Variants in FGF12 observed in about 807,000 individuals in gnomAD.
FGF12 encodes fibroblast growth factor 12.
A neutral mutation model predicts 23.6 loss-of-function variants in FGF12; 14 were observed. The observed-to-expected ratio is 0.59, with a 90% CI of 0.39 to 0.93. FGF12 has a LOEUF of 0.93. Ranked by LOEUF, FGF12 falls within the 40% of genes least tolerant of loss-of-function variation. The pLI, the probability that FGF12 is intolerant of heterozygous loss-of-function variation, is 0.00. For synonymous variants in FGF12, 62 were observed against 77.3 expected (o/e 0.80, Z 1.04); for missense variants, 175 against 217.8 (o/e 0.80, Z 1.24).
chr3:192,531,596 C>T (rs949431049), intron 2 of FGF12, among the ~76,000 whole-genome samples: 19 of 151,964 alleles, frequency 1.3e-4, no homozygotes, highest in African/African-American at 4.6e-4. Flanking sequence ...CACTGGTCGT[C>T]CCTATTTTTA....
intron 2 of FGF12, among the ~76,000 whole-genome samples, chr3:192,677,686 C>T (rs1012197973): frequency 6.6e-6 from 1 of 152,158 alleles, no homozygotes; most frequent in South Asian, 2.1e-4. Context: ...GTGACCTCAA[C>T]CTTTTATTAT....
intron 2 of FGF12, among the ~76,000 whole-genome samples, chr3:192,475,937 T>TGATAGATAGATAGATAGATAGATAGATA (rs111672806): frequency 2.6e-4 from 40 of 151,994 alleles, no homozygotes; most frequent in African/African-American, 9.4e-4. Flanking sequence ...TATAGATAGA[T>TGATAGATAGATAGATAGATAGATAGATA]GATAGATAGA....
At chr3:192,587,832 C>G (rs564999800) in intron 2 of FGF12, among the ~76,000 whole-genome samples, 2 of 151,822 alleles carry the variant, frequency 1.3e-5, no homozygotes, top group African/African-American at 4.8e-5. Flanking sequence ...ATCATATATA[C>G]GTAATCTCTC....
chr3:192,648,306 T>G (rs1395910026), intron 2 of FGF12, among the ~76,000 whole-genome samples: 1 of 152,098 alleles, frequency 6.6e-6, no homozygotes, highest in East Asian at 1.9e-4. Flanking sequence ...TAATAATGTA[T>G]CCTAGAAAAA....
intron 4 of FGF12, among the ~76,000 whole-genome samples, chr3:192,251,302 AGAGT>A (rs1711993860): frequency 1.3e-5 from 2 of 152,192 alleles, no homozygotes; most frequent in South Asian, 4.1e-4. Context: ...ATTCTGATAG[AGAGT>A]AAGTTGTGCT....
intron 2 of FGF12, among the ~76,000 whole-genome samples, chr3:192,618,612 C>T (rs1015683447): frequency 1.3e-5 from 2 of 152,202 alleles, no homozygotes; most frequent in African/African-American, 4.8e-5. Context: ...AAAACTCTGG[C>T]TCAGAAATGG....
chr3:192,597,517 G>T (rs541101772), intron 2 of FGF12, among the ~76,000 whole-genome samples: 1 of 149,582 alleles, frequency 6.7e-6, no homozygotes, highest in Non-Finnish European at 1.5e-5. Context: ...AGCCACAAAG[G>T]GGAAAAAAGG....
chr3:192,361,169 C>A (rs1171889132), intron 2 of FGF12, among the ~76,000 whole-genome samples: 655 of 98,704 alleles, frequency 6.6e-3, no homozygotes, highest in Non-Finnish European at 7.1e-3. Context: ...TTCTCCAGTA[C>A]AAAAAAAAAA....
rs529528961 is a variant in FGF12, at chr3:192,457,585, G to A, written c.14-97047C>T. Among the ~76,000 whole-genome samples, 8 of 152,154 alleles carry A rather than the reference G, an allele frequency of 5.3e-5. No homozygotes were observed. The South Asian group carries it at 1.7e-3, about 32-fold the overall frequency. On this transcript the variant is annotated intron_variant, in intron 2 of 5. Coordinates refer to ENST00000445105, the MANE Select transcript of FGF12 (RefSeq NM_004113.6). ...CTTTGAACTTGAGAGAGATGATTTA[G>A]GTATCTGGCGGAAGAAATTTTTAAA...
chr3:192,623,160 TTGTTCA>T (rs916069531), intron 2 of FGF12, among the ~76,000 whole-genome samples: 49 of 152,318 alleles, frequency 3.2e-4, no homozygotes, highest in African/African-American at 1.2e-3. Context: ...TGTCCTCTGT[TTGTTCA>T]TGTTCATGTT....
chr3:192,276,692 C>T (rs914214889), intron 4 of FGF12, among the ~76,000 whole-genome samples: 1 of 152,092 alleles, frequency 6.6e-6, no homozygotes, highest in Non-Finnish European at 1.5e-5. Context: ...ACCAGAACCC[C>T]ATTTCCCTGA....
At chr3:192,569,166 G>C (rs1261276631) in intron 2 of FGF12, among the ~76,000 whole-genome samples, 1 of 152,168 alleles carries the variant, frequency 6.6e-6, no homozygotes, top group African/African-American at 2.4e-5. Context: ...CACTTGCTTT[G>C]GGGCCAAGCA....
At chr3:192,688,930 T>C (rs1717854191) in intron 2 of FGF12, among the ~76,000 whole-genome samples, 1 of 152,180 alleles carries the variant, frequency 6.6e-6, no homozygotes, top group Non-Finnish European at 1.5e-5. Flanking sequence ...AATTATGTCA[T>C]TTGCAGCAAC....
In FGF12 at chr3:192,559,965, A is replaced by G. The variant is rs185459874; in HGVS notation, c.13+167216T>C. On this transcript the variant is annotated intron_variant, in intron 2 of 5. Transcript: ENST00000445105. ...CACACATCCCTTTCAAATGCTAAAA[A>G]TGTTCAAGATTCATTCATGATATAC... Among the ~76,000 whole-genome samples the G allele has an allele frequency of 7.2e-5, 11 of 152,264 alleles. No homozygotes were observed. The East Asian group carries it at 1.9e-3, about 27-fold the overall frequency.
intron 2 of FGF12, among the ~76,000 whole-genome samples, chr3:192,723,969 G>A (rs1490696331): frequency 8.1e-6 from 1 of 123,920 alleles, no homozygotes; most frequent in African/African-American, 3.1e-5. Flanking sequence ...GAGGAAGGAG[G>A]GGAGGGGAGG....
intron 2 of FGF12, among the ~76,000 whole-genome samples, chr3:192,624,546 G>A (rs1257103923): frequency 2.0e-5 from 3 of 151,954 alleles, no homozygotes; most frequent in Non-Finnish European, 2.9e-5. Flanking sequence ...ACAAGTAGAG[G>A]TAATAAACTG....
intron 2 of FGF12, among the ~76,000 whole-genome samples, chr3:192,657,277 G>A (rs542543266): frequency 1.3e-5 from 2 of 152,210 alleles, no homozygotes; most frequent in South Asian, 2.1e-4. Flanking sequence ...CTGTATTAGA[G>A]CAAATGAAAT....
chr3:192,313,970 G>A (rs920829656), intron 4 of FGF12, among the ~76,000 whole-genome samples: 7 of 152,216 alleles, frequency 4.6e-5, no homozygotes, highest in Non-Finnish European at 1.0e-4. Context: ...CAGGTCATAA[G>A]AGTAAAGTCC....
chr3:192,633,170 C>G (rs1405673021), intron 2 of FGF12, among the ~76,000 whole-genome samples: 2 of 152,036 alleles, frequency 1.3e-5, no homozygotes, highest in Non-Finnish European at 2.9e-5. Context: ...CTCAGCCTCC[C>G]GAGTAGCTGG....
Sources: allele counts gnomAD v4.1 joint callset (sites outside exome capture counted in the v4.1 genomes callset), GRCh38; gene constraint gnomAD v4.1.1; transcripts MANE v1.5; gene names NCBI Gene and HGNC (gene_info 2026-07-23, HGNC 2026-07-21).